The following SPATA17 variants were observed in gnomAD, a reference collection of about 807,000 sequenced individuals.
SPATA17 encodes the protein spermatogenesis-associated protein 17.
Under a neutral mutation model 62.2 loss-of-function variants are expected in SPATA17, and 53 were observed. The ratio of observed to expected loss-of-function variants is 0.85; its 90% CI spans 0.68 to 1.07. The LOEUF is 1.07. Among genes scored for constraint, SPATA17 ranks in the 50% least tolerant of loss-of-function variants. The probability of loss-of-function intolerance (pLI) is 0.00; values close to 1 mark genes in which losing one functional copy is unlikely to be tolerated. For synonymous variants in SPATA17, 146 were observed against 146.8 expected, an observed-to-expected ratio of 0.99 and a Z score of 0.04; for missense variants, 466 against 425.5, an observed-to-expected ratio of 1.10 and a Z score of -0.84.
At chr1:217,803,072 C>T (rs1302624314) in intron 9 of SPATA17, among the ~76,000 whole-genome samples, 3 of 152,176 alleles carry the variant, frequency 2.0e-5, no homozygotes, top group Non-Finnish European at 4.4e-5. Flanking sequence ...GCCACCACAC[C>T]TGGCTAATTT....
intron 3 of SPATA17, among the ~76,000 whole-genome samples, chr1:217,663,757 C>A (rs1327214187): frequency 6.6e-6 from 1 of 151,984 alleles, no homozygotes; most frequent in Non-Finnish European, 1.5e-5. Flanking sequence ...ATAAATTACT[C>A]AAAATTATTA....
intron 1 of SPATA17, among the ~76,000 whole-genome samples, chr1:217,642,566 C>T (rs1004577922): frequency 2.0e-5 from 3 of 152,106 alleles, no homozygotes; most frequent in Non-Finnish European, 4.4e-5. Flanking sequence ...AATTGAAATC[C>T]CCCTAATCCT....
At chr1:217,719,690 A>T (rs1318833931) in intron 5 of SPATA17, among the ~76,000 whole-genome samples, 1 of 152,256 alleles carries the variant, frequency 6.6e-6, no homozygotes, top group Non-Finnish European at 1.5e-5. Flanking sequence ...TAAAATGAAC[A>T]AAAGGGAACT....
At position 217,819,278 on chromosome 1, in the gene SPATA17, T is replaced by C. The variant is rs189437735; in HGVS notation, c.1005+17428T>C. Reference sequence around the variant, plus strand: ...CTAGGTCAAGTACATACTTTTCTGTTAGTATGGTAAATTTGGTTTCTTTAA... The same window carrying C: ...CTAGGTCAAGTACATACTTTTCTGTCAGTATGGTAAATTTGGTTTCTTTAA... On this transcript the variant is annotated intron_variant, in intron 9 of 10. Coordinates refer to ENST00000366933, the MANE Select transcript of SPATA17 (RefSeq NM_138796.4). 3.7e-3 allele frequency among the ~76,000 whole-genome samples: 560 copies of C among 152,054 alleles called. 8 individuals are homozygous for C. In the Middle Eastern group the frequency reaches 0.037, roughly 10 times the overall value.
intron 6 of SPATA17, among the ~76,000 whole-genome samples, chr1:217,748,433 G>A (rs12124237): frequency 0.46 from 69,659 of 151,548 alleles, 17,497 homozygotes; most frequent in Non-Finnish European, 0.58. Context: ...ATCTTATAAG[G>A]TGAAAAATAT....
chr1:217,643,660 A>G (rs1020961537), intron 1 of SPATA17, among the ~76,000 whole-genome samples: 4 of 151,976 alleles, frequency 2.6e-5, no homozygotes, highest in African/African-American at 9.7e-5. Context: ...ATTGTTCAGG[A>G]AATGAGGTAA....
intron 5 of SPATA17, among the ~76,000 whole-genome samples, chr1:217,730,707 G>C (rs1222652544): frequency 6.6e-6 from 1 of 152,090 alleles, no homozygotes; most frequent in Non-Finnish European, 1.5e-5. Context: ...GTCCAGCTTT[G>C]AGGAACGGAT....
At chr1:217,639,029 T>C (rs1670000014) in intron 1 of SPATA17, among the ~76,000 whole-genome samples, 1 of 151,842 alleles carries the variant, frequency 6.6e-6, no homozygotes, top group Non-Finnish European at 1.5e-5. Context: ...GGGGAAGAGA[T>C]AGAATAATAA....
intron 9 of SPATA17, among the ~76,000 whole-genome samples, chr1:217,855,829 C>T (rs1447926016): frequency 6.7e-6 from 1 of 148,252 alleles, no homozygotes; most frequent in African/African-American, 2.5e-5. Flanking sequence ...TGGGTTCAAG[C>T]TATTCTCCTG....
chr1:217,683,445 A>AT (rs71301099), intron 5 of SPATA17, 84 bp downstream of exon 5: 255,974 of 905,702 alleles, frequency 0.28, 40,903 homozygotes, highest in Non-Finnish European at 0.33. Flanking sequence ...AGTTAGAAAT[A>AT]TTTTTTTGTT....
intron 3 of SPATA17, among the ~76,000 whole-genome samples, chr1:217,661,168 A>G (rs954227305): frequency 2.6e-5 from 4 of 152,104 alleles, no homozygotes; most frequent in Admixed American, 6.6e-5. Context: ...AAGTATGTGA[A>G]CAGTACAGAA....
intron 3 of SPATA17, among the ~76,000 whole-genome samples, chr1:217,664,707 A>AATT (rs1171195656): frequency 6.6e-6 from 1 of 152,162 alleles, no homozygotes; most frequent in Non-Finnish European, 1.5e-5. Context: ...AGGAATAGAC[A>AATT]GTAATAAAGT....
At chr1:217,670,282 G>A (rs1235347197) in intron 4 of SPATA17, among the ~76,000 whole-genome samples, 1 of 152,080 alleles carries the variant, frequency 6.6e-6, no homozygotes, top group Non-Finnish European at 1.5e-5. Context: ...AGCAGTTAAT[G>A]CCCATTTAGC....
At chr1:217,782,000 T>C (rs1026953289) in intron 7 of SPATA17, 174 bp from the exon 8 acceptor site, 6 of 509,072 alleles carry the variant, frequency 1.2e-5, no homozygotes, top group African/African-American at 4.1e-5. Context: ...AGAACATTGC[T>C]TGAAAATAAG....
intron 6 of SPATA17, among the ~76,000 whole-genome samples, chr1:217,769,686 ATCAG>A (rs1673390308): frequency 6.6e-6 from 1 of 152,234 alleles, no homozygotes; most frequent in Non-Finnish European, 1.5e-5. Context: ...AGCATTTGAC[ATCAG>A]TAATAGTTTT....
intron 6 of SPATA17, among the ~76,000 whole-genome samples, chr1:217,757,694 C>T (rs910848802): frequency 6.6e-6 from 1 of 151,978 alleles, no homozygotes; most frequent in East Asian, 1.9e-4. Context: ...TGTACATGTT[C>T]GTCAGAGCTA....
At chr1:217,649,934 C>CT (rs771612819) in intron 2 of SPATA17, among the ~76,000 whole-genome samples, 20,393 of 120,370 alleles carry the variant, frequency 0.17, 1,876 homozygotes, top group Non-Finnish European at 0.19. Flanking sequence ...AGGCTTCTCT[C>CT]TTTTTTTTTT....
chr1:217,839,547 T>G (rs1268377178), intron 9 of SPATA17, among the ~76,000 whole-genome samples: 4 of 152,104 alleles, frequency 2.6e-5, no homozygotes, highest in African/African-American at 9.7e-5. Flanking sequence ...TATTACAGTC[T>G]CGGGACAGGA....
intron 5 of SPATA17, among the ~76,000 whole-genome samples, chr1:217,711,338 G>C (rs944446409): frequency 6.6e-6 from 1 of 151,994 alleles, no homozygotes; most frequent in African/African-American, 2.4e-5. Context: ...TCCCTTCTTT[G>C]TGTCCCTGTG....
Sources: gnomAD v4.1 joint callset for allele counts (sites outside exome capture counted in the v4.1 genomes callset) on GRCh38, gnomAD v4.1.1 for gene constraint, MANE v1.5 for transcripts, NCBI Gene and HGNC (gene_info 2026-07-23, HGNC 2026-07-21) for gene names.